POMK: variants seen among roughly 807,000 people sequenced by gnomAD.
The protein encoded by POMK is protein O-mannose kinase.
In POMK, 19 loss-of-function variants were observed where a neutral mutation model predicts 23.0. The ratio of observed to expected loss-of-function variants is 0.83; its 90% CI spans 0.58 to 1.21. The LOEUF (loss-of-function observed/expected upper bound fraction) is 1.21. POMK is among the 50% of genes most tolerant of loss of function. The probability of loss-of-function intolerance (pLI) is 0.00; values close to 1 mark genes in which losing one functional copy is unlikely to be tolerated. For synonymous variants in POMK, 173 were observed against 171.6 expected (o/e 1.01, Z -0.06); for missense variants, 410 against 431.3 (o/e 0.95, Z 0.44).
At chr8:43,095,228 A>G (rs1400605161) in intron 1 of POMK, among the ~76,000 whole-genome samples, 3 of 152,160 alleles carry the variant, frequency 2.0e-5, no homozygotes, top group East Asian at 3.8e-4. Context: ...CCTTAGATAT[A>G]TTACTTCACC....
chr8:43,098,846 A>T (rs1471208778), intron 2 of POMK, among the ~76,000 whole-genome samples: 1 of 152,192 alleles, frequency 6.6e-6, no homozygotes, highest in Non-Finnish European at 1.5e-5. Context: ...GTTTGCCTTG[A>T]TGACTGGTGA....
In POMK at chr8:43,107,409, C is replaced by G. The variant is rs934014121; in HGVS notation, c.282+3579C>G. 2.6e-5 allele frequency among the ~76,000 whole-genome samples: 4 copies of G among 152,196 alleles called. No individual in the cohort carries two copies. In the East Asian group the frequency reaches 7.7e-4, roughly 29 times the overall value. Reference sequence around the variant, plus strand: ...TTTTTTTCCGAGATGGAGCCTTGCTCTGTCGCCCAGGCTGGAGTGCAGTGG... The same window carrying G: ...TTTTTTTCCGAGATGGAGCCTTGCTGTGTCGCCCAGGCTGGAGTGCAGTGG... On this transcript the variant is annotated intron_variant, in intron 4 of 4. Coordinates refer to ENST00000331373, the MANE Select transcript of POMK (RefSeq NM_032237.5).
chr8:43,115,073 T>G (rs1811769361), intron 4 of POMK, among the ~76,000 whole-genome samples: 1 of 152,234 alleles, frequency 6.6e-6, no homozygotes, highest in African/African-American at 2.4e-5. Context: ...GTAGCTCTCA[T>G]TTTGTGTAAC....
At chr8:43,104,014 G>T (rs1159791919) in intron 4 of POMK, among the ~76,000 whole-genome samples, 184 bp downstream of exon 4, 2 of 152,246 alleles carry the variant, frequency 1.3e-5, no homozygotes, top group East Asian at 3.8e-4. Flanking sequence ...ATTGTGAATA[G>T]TGCTGCAGTA....
At chr8:43,121,693 G>A (rs538845405) in intron 4 of POMK, among the ~76,000 whole-genome samples, 1 of 152,210 alleles carries the variant, frequency 6.6e-6, no homozygotes, top group South Asian at 2.1e-4. Context: ...GTGGTCCATT[G>A]GAACTGGCAG....
At chr8:43,109,384 C>A (rs1265999423) in intron 4 of POMK, among the ~76,000 whole-genome samples, 1 of 152,032 alleles carries the variant, frequency 6.6e-6, no homozygotes, top group Admixed American at 6.6e-5. Context: ...AAATAAAAAC[C>A]TTTCATTATC....
rs1811940193 is a variant in POMK, at chr8:43,122,463, C to T, written c.639C>T (p.Ser213=). Residue 213 remains serine (S), a synonymous_variant, in exon 5 of 5, where the codon TCC becomes TCT. Transcript: ENST00000331373. The stretch of plus-strand genomic sequence containing the variant: ...CCAACGACCTGCCGAAGACACTGTC[C>T]CAGTATCTGCTAACAAGCAACTTCA... ...CDSNDLPKTL[S]QYLLTSNFSI... The T allele has an allele frequency of 5.0e-6, 8 of 1,614,016 alleles. No homozygotes were observed. The highest frequency in any genetic ancestry group is 2.7e-5 in the African/African-American group (2 of 74,928).
intron 4 of POMK, 134 bp downstream of exon 4, chr8:43,103,964 T>C (rs1811499491): frequency 5.7e-6 from 5 of 872,976 alleles, no homozygotes; most frequent in Admixed American, 2.3e-5. Context: ...CCATTGCATA[T>C]GTGCACCACA....
intron 2 of POMK, among the ~76,000 whole-genome samples, chr8:43,098,183 T>A (rs945411865): frequency 6.6e-6 from 1 of 152,208 alleles, no homozygotes; most frequent in Non-Finnish European, 1.5e-5. Context: ...TTCAGTGATA[T>A]TTAGCATATT....
At chr8:43,116,993 A>C (rs1358027029) in intron 4 of POMK, among the ~76,000 whole-genome samples, 2 of 151,926 alleles carry the variant, frequency 1.3e-5, no homozygotes, top group Admixed American at 6.6e-5. Flanking sequence ...TGTGGTGGGC[A>C]GGAGTGGGGG....
intron 4 of POMK, among the ~76,000 whole-genome samples, chr8:43,111,615 A>C (rs1811668217): frequency 6.6e-6 from 1 of 152,228 alleles, no homozygotes. Context: ...GAATGGGCAG[A>C]CTACCTCCTC....
At chr8:43,113,931 C>T (rs577519519) in intron 4 of POMK, among the ~76,000 whole-genome samples, 32 of 152,360 alleles carry the variant, frequency 2.1e-4, no homozygotes, top group Non-Finnish European at 4.0e-4. Flanking sequence ...AGCGGATTTT[C>T]GTGAACCGCG....
Position 43,103,586 on chromosome 8 carries a change from C to A in POMK, c.38C>A (p.Ala13Asp). ...CCCCAGAACAGCAGGAGAGGCCTCG[C>A]CCCCCGAGAGGTGCCGCCAGCTGTT... ...KQPQNSRRGL[A>D]PREVPPAVGL... Residue 13 changes from alanine to aspartate, a missense_variant, in exon 4 of 5, where the codon GCC becomes GAC. Ala to Asp is a moderately radical substitution (Grantham distance 126, BLOSUM62 -2). Transcript: ENST00000331373. 6.2e-7 allele frequency: 1 copy of A among 1,613,520 alleles called. No homozygotes were observed. Among genetic ancestry groups the A allele is most frequent in the Non-Finnish European group, 8.5e-7 (1 of 1,179,874 alleles).
At chr8:43,093,785 G>A (rs950326418) in intron 1 of POMK, among the ~76,000 whole-genome samples, 1 of 152,252 alleles carries the variant, frequency 6.6e-6, no homozygotes, top group Non-Finnish European at 1.5e-5. Flanking sequence ...GTAGCGGGAC[G>A]TTAAAGAACC....
chr8:43,122,732 G>A lies in POMK; in HGVS notation c.908G>A (p.Arg303Gln), dbSNP rs370946940. The A allele has an allele frequency of 1.4e-5, 23 of 1,614,072 alleles. No individual in the cohort carries two copies. Among genetic ancestry groups the A allele is most frequent in the East Asian group, 8.9e-5 (4 of 44,900 alleles). ...LGHIEGSDMV[R>Q]FHLFDIHKAC... is the part of the protein sequence containing the mutation. Reference sequence around the variant, plus strand: ...CACATTGAAGGGAGTGATATGGTCCGATTCCATTTGTTTGATATTCACAAA... The same window carrying A: ...CACATTGAAGGGAGTGATATGGTCCAATTCCATTTGTTTGATATTCACAAA... The change falls in exon 5 of 5, where the codon CGA becomes CAA. Residue 303 changes from arginine (R) to glutamine (Q), a missense_variant. By Grantham distance (43) the Arg-to-Gln change is conservative. Transcript: ENST00000331373.
chr8:43,100,337 A>G (rs1482905437), intron 2 of POMK, among the ~76,000 whole-genome samples: 2 of 152,074 alleles, frequency 1.3e-5, no homozygotes, highest in African/African-American at 4.8e-5. Flanking sequence ...CCGTGGGTGT[A>G]TCACAGGGGT....
intron 4 of POMK, among the ~76,000 whole-genome samples, chr8:43,114,896 T>C (rs1342806735): frequency 2.0e-5 from 3 of 152,210 alleles, no homozygotes; most frequent in African/African-American, 7.2e-5. Context: ...GCAACAGGTA[T>C]ATTAAGAAGA....
chr8:43,113,403 C>T lies in POMK; in HGVS notation c.283-8704C>T, dbSNP rs559376085. Among the ~76,000 whole-genome samples, 10 of 152,258 alleles carry T rather than the reference C, an allele frequency of 6.6e-5. No homozygotes were observed. In the South Asian group the frequency reaches 8.3e-4, roughly 13 times the overall value. ...TACCCTTTCTTCCAGTTGATTGCATCGACTCCTGAGGCTTCTTCACTCTTC... is the reference window on the plus strand; with the variant it reads ...TACCCTTTCTTCCAGTTGATTGCATTGACTCCTGAGGCTTCTTCACTCTTC... On this transcript the variant is annotated intron_variant, in intron 4 of 4. Coordinates refer to ENST00000331373, the MANE Select transcript of POMK (RefSeq NM_032237.5).
chr8:43,095,226 A>G (rs1811310626), intron 1 of POMK, among the ~76,000 whole-genome samples: 1 of 152,162 alleles, frequency 6.6e-6, no homozygotes. Context: ...GACCTTAGAT[A>G]TATTACTTCA....
Sources: allele counts gnomAD v4.1 joint callset (sites outside exome capture counted in the v4.1 genomes callset), GRCh38; gene constraint gnomAD v4.1.1; transcripts MANE v1.5; gene names NCBI Gene and HGNC (gene_info 2026-07-23, HGNC 2026-07-21).